FHIT: variants seen among roughly 807,000 people sequenced by gnomAD.
The protein encoded by FHIT is bis(5'-adenosyl)-triphosphatase.
Under a neutral mutation model 17.9 loss-of-function variants are expected in FHIT, and 19 were observed. That is an observed-to-expected ratio of 1.06 (90% CI 0.74 to 1.56). The LOEUF is 1.56. FHIT is among the 40% of genes most tolerant of loss of function. The pLI is 0.00. For synonymous variants in FHIT, 81 were observed against 69.7 expected (o/e 1.16, Z -0.81); for missense variants, 248 against 189.2 (o/e 1.31, Z -1.82).
At chr3:60,603,925 T>C (rs782175997) in intron 4 of FHIT, among the ~76,000 whole-genome samples, 6 of 152,160 alleles carry the variant, frequency 3.9e-5, no homozygotes, top group Admixed American at 6.6e-5. Flanking sequence ...CCATACTTTA[T>C]AGGTATTTTG....
chr3:61,047,210 A>G (rs1263665534), intron 2 of FHIT, among the ~76,000 whole-genome samples: 16 of 152,230 alleles, frequency 1.1e-4, no homozygotes, highest in Non-Finnish European at 2.4e-4. Context: ...GGCAGATGAC[A>G]TGATTGTATA....
chr3:59,797,645 C>G (rs575611948), intron 8 of FHIT, among the ~76,000 whole-genome samples: 1 of 151,866 alleles, frequency 6.6e-6, no homozygotes, highest in Non-Finnish European at 1.5e-5. Flanking sequence ...TCCTCCATGC[C>G]GATATTATAT....
intron 8 of FHIT, among the ~76,000 whole-genome samples, chr3:59,879,885 C>T (rs1703326762): frequency 2.0e-5 from 3 of 151,808 alleles, no homozygotes; most frequent in Admixed American, 2.0e-4. Context: ...ATTTCTGAGC[C>T]TTTAATTCAA....
chr3:60,858,394 G>C (rs1703473083), intron 3 of FHIT, among the ~76,000 whole-genome samples: 1 of 151,970 alleles, frequency 6.6e-6, no homozygotes, highest in South Asian at 2.1e-4. Flanking sequence ...ATAATGAAGG[G>C]AGCAGCATTC....
chr3:59,749,771 C>G (rs1700785089), intron 9 of FHIT, 192 bp from the exon 10 acceptor site: 1 of 227,366 alleles, frequency 4.4e-6, no homozygotes, highest in Non-Finnish European at 8.7e-6. Flanking sequence ...GCATCTAATT[C>G]TTGTTAACCC....
At chr3:60,426,359 T>C (rs939809093) in intron 5 of FHIT, among the ~76,000 whole-genome samples, 1 of 152,118 alleles carries the variant, frequency 6.6e-6, no homozygotes. Context: ...CCTAGGACGG[T>C]TTAAGCAGTG....
At chr3:60,217,753 G>A (rs1215547027) in intron 5 of FHIT, among the ~76,000 whole-genome samples, 1 of 152,030 alleles carries the variant, frequency 6.6e-6, no homozygotes, top group Non-Finnish European at 1.5e-5. Flanking sequence ...CCATTCCTAA[G>A]GTCTGCTTTA....
chr3:61,048,458 C>T (rs2033898780), intron 2 of FHIT, among the ~76,000 whole-genome samples: 1 of 152,100 alleles, frequency 6.6e-6, no homozygotes, highest in Non-Finnish European at 1.5e-5. Context: ...GAATGACAAT[C>T]ATTAAAAAGT....
At chr3:60,828,789 A>G (rs1377948353) in intron 3 of FHIT, among the ~76,000 whole-genome samples, 1 of 152,188 alleles carries the variant, frequency 6.6e-6, no homozygotes, top group Non-Finnish European at 1.5e-5. Context: ...GAGGCAGGAG[A>G]TTCAGTTCAA....
intron 3 of FHIT, among the ~76,000 whole-genome samples, chr3:60,864,767 G>T (rs916785877): frequency 2.0e-5 from 3 of 151,916 alleles, no homozygotes; most frequent in Non-Finnish European, 4.4e-5. Flanking sequence ...ATTGTTTCAG[G>T]GGATATTAGT....
At chr3:60,723,183 C>T (rs551179444) in intron 4 of FHIT, among the ~76,000 whole-genome samples, 2 of 152,160 alleles carry the variant, frequency 1.3e-5, no homozygotes, top group East Asian at 3.8e-4. Flanking sequence ...CTCCTAACAC[C>T]TTTTGCACAT....
At chr3:60,047,723 T>C (rs1701708659) in intron 5 of FHIT, among the ~76,000 whole-genome samples, 1 of 152,134 alleles carries the variant, frequency 6.6e-6, no homozygotes. Flanking sequence ...ATCTCCCCAA[T>C]AACTCTACGA....
intron 5 of FHIT, among the ~76,000 whole-genome samples, chr3:60,456,604 C>T (rs1347655011): frequency 6.6e-6 from 1 of 152,074 alleles, no homozygotes; most frequent in African/African-American, 2.4e-5. Context: ...TCTTTTAACC[C>T]CTAATGGGCT....
In FHIT at chr3:60,057,442, C is replaced by T. The variant is rs546131495; in HGVS notation, c.104-43290G>A. On this transcript the variant is annotated intron_variant, in intron 5 of 9. Transcript: ENST00000492590. ...CCTCTGGATAAATATGTGGTAGGTC[C>T]ATACAATGGAATATTACTCAGCCAT... Among the ~76,000 whole-genome samples, 26 of 152,192 alleles carry T rather than the reference C, an allele frequency of 1.7e-4. 1 individual carries two copies. The highest frequency in any genetic ancestry group is 5.5e-4 in the African/African-American group (23 of 41,540).
chr3:61,036,065 T>C (rs1559928159), intron 3 of FHIT, among the ~76,000 whole-genome samples: 1 of 152,224 alleles, frequency 6.6e-6, no homozygotes, highest in Non-Finnish European at 1.5e-5. Flanking sequence ...ATAAAGAGGT[T>C]TAATTGGCTC....
chr3:60,376,916 G>T (rs543034175), intron 5 of FHIT, among the ~76,000 whole-genome samples: 3 of 152,168 alleles, frequency 2.0e-5, no homozygotes, highest in African/African-American at 7.2e-5. Context: ...GAGAACACTG[G>T]TTATAATTCA....
chr3:60,955,621 T>TATATATAC (rs1709106115), intron 3 of FHIT, among the ~76,000 whole-genome samples: 5 of 15,222 alleles, frequency 3.3e-4, no homozygotes, highest in South Asian at 5.3e-3. Flanking sequence ...TATATATATA[T>TATATATAC]ATATATATAT....
intron 4 of FHIT, among the ~76,000 whole-genome samples, chr3:60,620,660 G>C (rs1340056179): frequency 6.6e-6 from 1 of 151,916 alleles, no homozygotes; most frequent in Non-Finnish European, 1.5e-5. Flanking sequence ...GAGGGAAAGA[G>C]GGATGGCTAG....
intron 8 of FHIT, among the ~76,000 whole-genome samples, chr3:59,834,244 A>C (rs918401430): frequency 1.2e-4 from 19 of 152,292 alleles, no homozygotes; most frequent in Non-Finnish European, 2.6e-4. Flanking sequence ...CCTGTACATC[A>C]CAGAAAAATC....
Sources: gnomAD v4.1 joint callset for allele counts (sites outside exome capture counted in the v4.1 genomes callset) on GRCh38, gnomAD v4.1.1 for gene constraint, MANE v1.5 for transcripts, NCBI Gene and HGNC (gene_info 2026-07-23, HGNC 2026-07-21) for gene names.